The following DDX4 variants were observed in gnomAD, a reference collection of about 807,000 sequenced individuals.
The protein encoded by DDX4 is DEAD-box helicase 4.
In DDX4, 25 loss-of-function variants were observed where a neutral mutation model predicts 100.0. The observed-to-expected ratio is 0.25, with a 90% CI of 0.18 to 0.35. The LOEUF (loss-of-function observed/expected upper bound fraction) is 0.35. Among genes scored for constraint, DDX4 ranks in the 10% least tolerant of loss-of-function variants. DDX4 has a pLI of 1.00. For synonymous variants in DDX4, 259 were observed against 275.7 expected, an observed-to-expected ratio of 0.94 and a Z score of 0.60; for missense variants, 635 against 882.4, an observed-to-expected ratio of 0.72 and a Z score of 3.55.
At chr5:55,778,286 G>T (rs750809201) in intron 7 of DDX4, among the ~76,000 whole-genome samples, 3 of 152,084 alleles carry the variant, frequency 2.0e-5, no homozygotes, top group Non-Finnish European at 4.4e-5. Context: ...TGAGGATATA[G>T]TTAAAGCAGC....
intron 6 of DDX4, chr5:55,766,876 A>G: frequency 1.2e-5 from 18 of 1,513,328 alleles, no homozygotes; most frequent in Non-Finnish European, 1.5e-5. Flanking sequence ...TAGTAATAAC[A>G]TAGAACTTTT....
intron 18 of DDX4, among the ~76,000 whole-genome samples, chr5:55,811,572 T>C (rs1744124579): frequency 6.6e-6 from 1 of 152,222 alleles, no homozygotes; most frequent in Non-Finnish European, 1.5e-5. Flanking sequence ...TGAAAGCCAC[T>C]AAACTACTTT....
At chr5:55,792,554 C>A in intron 16 of DDX4, 87 bp from the exon 17 acceptor site, 54 of 593,706 alleles carry the variant, frequency 9.1e-5, no homozygotes, top group South Asian at 2.0e-4. Context: ...TTTTTCTTAA[C>A]AGTATTTTAA....
chr5:55,788,390 T>C (rs1742363042), intron 15 of DDX4, among the ~76,000 whole-genome samples: 1 of 152,170 alleles, frequency 6.6e-6, no homozygotes, highest in Non-Finnish European at 1.5e-5. Flanking sequence ...GCAGAAGGAT[T>C]GTTTGAGTCC....
rs1742503976 is a variant in DDX4 at position 55,790,576 on chromosome 5, G to A, written c.1173G>A (p.Gly391=). Residue 391 remains glycine (G), a splice_region_variant and synonymous_variant, in exon 16 of 22, where the codon GGG becomes GGA. Coordinates refer to ENST00000505374, the MANE Select transcript of DDX4 (RefSeq NM_024415.3). ...IYLEARKFSF[G]TCVRAVVIYG... is the part of the protein sequence containing the mutation. ...TAACATTTAGTTTTCTTGTTAATAGGACTTGTGTAAGAGCTGTTGTTATAT... is the reference window on the plus strand; with the variant it reads ...TAACATTTAGTTTTCTTGTTAATAGAACTTGTGTAAGAGCTGTTGTTATAT... 6.3e-7 allele frequency: 1 copy of A among 1,580,294 alleles called. No homozygotes were observed. The highest frequency in any genetic ancestry group is 8.7e-7 in the Non-Finnish European group (1 of 1,153,384).
chr5:55,799,884 AG>A (rs1191354055), intron 18 of DDX4, among the ~76,000 whole-genome samples: 1 of 152,166 alleles, frequency 6.6e-6, no homozygotes, highest in Non-Finnish European at 1.5e-5. Flanking sequence ...AGAAATGCGA[AG>A]GTGGTTCATC....
chr5:55,783,367 A>G (rs1330847637), intron 10 of DDX4, among the ~76,000 whole-genome samples: 4 of 152,020 alleles, frequency 2.6e-5, no homozygotes, highest in African/African-American at 9.7e-5. Context: ...CATACAAGAT[A>G]AGAAAATTAG....
At chr5:55,801,977 C>T (rs1743344493) in intron 18 of DDX4, among the ~76,000 whole-genome samples, 1 of 152,138 alleles carries the variant, frequency 6.6e-6, no homozygotes, top group South Asian at 2.1e-4. Flanking sequence ...CTTAAAATCT[C>T]CAAGGCTGGG....
chr5:55,785,860 C>T lies in DDX4; in HGVS notation c.853C>T (p.Pro285Ser). The change falls in exon 13 of 22, where the codon CCA (proline) becomes TCA (serine). Residue 285 changes from proline (P) to serine (S), a missense_variant. Around this residue, in one of 4 missense-constraint regions of DDX4, gnomAD observed 446 missense variants for 540.8 expected, o/e 0.82. Transcript: ENST00000505374. ...LVEVSGHDAP[P>S]AILTFEEANL... Reference sequence around the variant, plus strand: ...GGAAGTGTCTGGACATGATGCACCACCAGCAATTCTGGTCAGTGTATTAAT... The same window carrying T: ...GGAAGTGTCTGGACATGATGCACCATCAGCAATTCTGGTCAGTGTATTAAT... 1 of 1,609,170 alleles carries T rather than the reference C, an allele frequency of 6.2e-7. No individual in the cohort carries two copies.
At position 55,815,331 on chromosome 5, in the gene DDX4, G is replaced by T. The variant is rs775222979; in HGVS notation, c.2005G>T (p.Ala669Ser). 5.0e-6 allele frequency: 8 copies of T among 1,612,258 alleles called. No homozygotes were observed. In the African/African-American group the frequency reaches 9.4e-5, roughly 19 times the overall value. ...VLTDAQQDVP[A>S]WLEEIAFSTY... is the part of the protein sequence containing the mutation. ...TTTAAAGGCTCAACAGGATGTTCCT[G>T]CATGGTTGGAAGAAATTGCCTTTAG... Residue 669 changes from alanine (A) to serine (S), a missense_variant, in exon 21 of 22, where the codon GCA becomes TCA. Coordinates refer to ENST00000505374, the MANE Select transcript of DDX4 (RefSeq NM_024415.3).
chr5:55,798,603 A>G lies in DDX4; in HGVS notation c.1615+32A>G, dbSNP rs763700763. On this transcript the variant is annotated intron_variant, in intron 18 of 21. Coordinates refer to ENST00000505374, the MANE Select transcript of DDX4 (RefSeq NM_024415.3). ...TACGTTGATACATTTTTTTGTCATG[A>G]TTTTGATTTTTTTTAATGAATAATT... 81 of 1,546,702 alleles carry G rather than the reference A, an allele frequency of 5.2e-5. 1 individual carries two copies. The highest frequency in any genetic ancestry group is 1.7e-4 in the Middle Eastern group (1 of 5,806).
chr5:55,752,036 T>C (rs1271719795), intron 3 of DDX4, among the ~76,000 whole-genome samples: 1 of 152,176 alleles, frequency 6.6e-6, no homozygotes, highest in African/African-American at 2.4e-5. Flanking sequence ...AAAAGGAATC[T>C]TTGACGCTAA....
At position 55,781,158 on chromosome 5, in the gene DDX4, A is replaced by G; in HGVS notation, c.577+12A>G. 2.5e-6 allele frequency: 4 copies of G among 1,595,406 alleles called. No homozygotes were observed. Among genetic ancestry groups the G allele is most frequent in the South Asian group, 1.1e-5 (1 of 88,238 alleles). On this transcript the variant is annotated intron_variant, in intron 9 of 21. Transcript: ENST00000505374. ...ATTAAGTGGCACAGGTGAGAAATAG[A>G]ACTTATTACTGAATATTAGTTACTG...
chr5:55,763,911 G>A (rs1388552583), intron 5 of DDX4, 103 bp from the exon 6 acceptor site: 1 of 779,468 alleles, frequency 1.3e-6, no homozygotes, highest in East Asian at 2.5e-5. Context: ...GTATACAATT[G>A]TGTATCGCTT....
intron 18 of DDX4, among the ~76,000 whole-genome samples, chr5:55,808,660 C>T (rs1372220635): frequency 6.6e-6 from 1 of 152,230 alleles, no homozygotes; most frequent in African/African-American, 2.4e-5. Context: ...ATATTGCTAC[C>T]TGATCGTTCC....
At chr5:55,746,517 G>A (rs1759257609) in intron 3 of DDX4, among the ~76,000 whole-genome samples, 1 of 152,188 alleles carries the variant, frequency 6.6e-6, no homozygotes, top group African/African-American at 2.4e-5. Flanking sequence ...CAGGGTTCCT[G>A]ACATAAGGGA....
At position 55,780,115 on chromosome 5, in the gene DDX4, A is replaced by C. The variant is rs779629542; in HGVS notation, c.496+50A>C. The C allele has an allele frequency of 2.5e-6, 4 of 1,593,360 alleles. No homozygotes were observed. In the Admixed American group the frequency reaches 7.1e-5, roughly 28 times the overall value. On this transcript the variant is annotated intron_variant, in intron 8 of 21. Coordinates refer to ENST00000505374, the MANE Select transcript of DDX4 (RefSeq NM_024415.3). ...GTGCTTCATTAACTGTTAAAAAGAA[A>C]ATGATTTAAAAAAATACGTATCAAA...
At chr5:55,758,345 A>G (rs1760073853) in intron 3 of DDX4, among the ~76,000 whole-genome samples, 1 of 151,936 alleles carries the variant, frequency 6.6e-6, no homozygotes, top group African/African-American at 2.4e-5. Context: ...TGTTTTTGAG[A>G]TTTTGTATCT....
chr5:55,792,839 A>G, intron 17 of DDX4, 32 bp downstream of exon 17: 2 of 1,156,414 alleles, frequency 1.7e-6, no homozygotes, highest in Non-Finnish European at 2.2e-6. Flanking sequence ...TAATTTAATT[A>G]TATATATATA....
Sources: allele counts gnomAD v4.1 joint callset (sites outside exome capture counted in the v4.1 genomes callset), GRCh38; gene constraint gnomAD v4.1.1; regional missense constraint gnomAD v4.1.1; transcripts MANE v1.5; gene names NCBI Gene and HGNC (gene_info 2026-07-23, HGNC 2026-07-21).